Variants in LOC128462377 observed in about 807,000 individuals in gnomAD.
chr16:89,326,981 CAATGCAGAGGTGGGGAATGCAGAGGGGG>C, the LOC128462377 span, among the ~76,000 whole-genome samples: 11 of 149,224 alleles, frequency 7.4e-5, no homozygotes, highest in African/African-American at 2.7e-4. Context: ...GTCCACTGGG[CAATGCAGAGGTGGGGAATGCAGAGGGGG>C]AATGCAGAGG....
chr16:89,371,024 CA>C, the LOC128462377 span, among the ~76,000 whole-genome samples: 5 of 152,120 alleles, frequency 3.3e-5, no homozygotes, highest in African/African-American at 1.2e-4. Flanking sequence ...ATGTGTTTGG[CA>C]ATGTTATAGC....
chr16:89,383,927 C>A, the LOC128462377 span, among the ~76,000 whole-genome samples: 1 of 152,252 alleles, frequency 6.6e-6, no homozygotes, highest in Non-Finnish European at 1.5e-5. Context: ...TCACCTCCCA[C>A]TGACGAAGGC....
At chr16:89,409,097 C>T in the LOC128462377 span, among the ~76,000 whole-genome samples, 1 of 152,156 alleles carries the variant, frequency 6.6e-6, no homozygotes, top group Non-Finnish European at 1.5e-5. Flanking sequence ...AGCTGGGGGC[C>T]CAGGCCAGTG....
chr16:89,393,625 A>T, the LOC128462377 span, among the ~76,000 whole-genome samples: 2 of 152,060 alleles, frequency 1.3e-5, no homozygotes, highest in East Asian at 3.9e-4. Flanking sequence ...TACAGGAGGA[A>T]GCCACTGCGC....
chr16:89,413,986 G>C, the LOC128462377 span, among the ~76,000 whole-genome samples: 2 of 152,194 alleles, frequency 1.3e-5, no homozygotes, highest in East Asian at 3.9e-4. Context: ...AGGGGGCTCG[G>C]CTCTGGCTGA....
At chr16:89,383,740 C>A in the LOC128462377 span, among the ~76,000 whole-genome samples, 1 of 152,136 alleles carries the variant, frequency 6.6e-6, no homozygotes, top group Non-Finnish European at 1.5e-5. Context: ...CCCCTGCACT[C>A]GGACCAGCAA....
the LOC128462377 span, among the ~76,000 whole-genome samples, chr16:89,417,454 T>G: frequency 6.6e-6 from 1 of 152,294 alleles, no homozygotes; most frequent in Non-Finnish European, 1.5e-5. Context: ...GGGAGGACTC[T>G]GCCCTACAGC....
chr16:89,401,942 G>A, the LOC128462377 span, among the ~76,000 whole-genome samples: 3 of 125,782 alleles, frequency 2.4e-5, no homozygotes, highest in South Asian at 2.6e-4. Flanking sequence ...GCAGATGCCC[G>A]CCCCCACCCC....
chr16:89,338,840 T>G, the LOC128462377 span, among the ~76,000 whole-genome samples: 1 of 151,884 alleles, frequency 6.6e-6, no homozygotes, highest in East Asian at 1.9e-4. Flanking sequence ...AACAATCATT[T>G]CCCTTTCTTA....
chr16:89,348,760 T>C, the LOC128462377 span, among the ~76,000 whole-genome samples: 1 of 152,106 alleles, frequency 6.6e-6, no homozygotes. Flanking sequence ...TTATTGTACT[T>C]TGAATGGCTA....
chr16:89,357,641 C>A, the LOC128462377 span, among the ~76,000 whole-genome samples: 53 of 152,136 alleles, frequency 3.5e-4, no homozygotes, highest in Non-Finnish European at 1.0e-4. Context: ...GACAGAGAAG[C>A]AGAATGCGTC....
the LOC128462377 span, among the ~76,000 whole-genome samples, chr16:89,318,278 T>C: frequency 6.6e-6 from 1 of 152,182 alleles, no homozygotes; most frequent in Non-Finnish European, 1.5e-5. Flanking sequence ...TCTAGGTTTG[T>C]TCACCATCAC....
At chr16:89,341,995 C>A in the LOC128462377 span, among the ~76,000 whole-genome samples, 14 of 89,622 alleles carry the variant, frequency 1.6e-4, no homozygotes, top group African/African-American at 5.1e-4. Context: ...CCACCCACAG[C>A]GGCCACAGCC....
At chr16:89,409,425 G>A in the LOC128462377 span, among the ~76,000 whole-genome samples, 2 of 152,200 alleles carry the variant, frequency 1.3e-5, no homozygotes, top group Admixed American at 6.5e-5. Context: ...TGCAGCCAGG[G>A]TTTCCTGTGG....
At chr16:89,388,515 C>T in the LOC128462377 span, among the ~76,000 whole-genome samples, 3 of 151,910 alleles carry the variant, frequency 2.0e-5, no homozygotes, top group Non-Finnish European at 4.4e-5. Flanking sequence ...TGCTGTCGAA[C>T]GCACACACGT....
At chr16:89,365,912 C>G in the LOC128462377 span, among the ~76,000 whole-genome samples, 1 of 152,072 alleles carries the variant, frequency 6.6e-6, no homozygotes, top group East Asian at 1.9e-4. Flanking sequence ...TCTCTGTGTC[C>G]ACGTGTTCTC....
chr16:89,370,544 G>C, the LOC128462377 span: 1 of 152,402 alleles, frequency 6.6e-6, no homozygotes, highest in Admixed American at 6.5e-5. Flanking sequence ...ACCTCCTGCT[G>C]ATGGAAACAG....
chr16:89,374,768 C>A, the LOC128462377 span, among the ~76,000 whole-genome samples: 1 of 152,190 alleles, frequency 6.6e-6, no homozygotes, highest in Admixed American at 6.5e-5. Context: ...CCATGATGAA[C>A]GTGGACACAC....
the LOC128462377 span, among the ~76,000 whole-genome samples, chr16:89,363,039 C>T: frequency 6.6e-6 from 1 of 151,928 alleles, no homozygotes; most frequent in East Asian, 1.9e-4. Flanking sequence ...AAACTGCTGG[C>T]GAGTGTACCC....
Sources: gnomAD v4.1 joint callset for allele counts (sites outside exome capture counted in the v4.1 genomes callset) on GRCh38, gnomAD v4.1.1 for gene constraint, MANE v1.5 for transcripts.